Variants in THSD4 observed in about 807,000 individuals in gnomAD.
The protein encoded by THSD4 is thrombospondin type 1 domain containing 4.
A neutral mutation model predicts 119.0 loss-of-function variants in THSD4; 69 were observed. The observed-to-expected ratio is 0.58, with a 90% CI of 0.48 to 0.71. The LOEUF (loss-of-function observed/expected upper bound fraction) is 0.71. Among genes scored for constraint, THSD4 ranks in the 30% least tolerant of loss-of-function variants. The pLI is 0.00. For missense variants in THSD4, 1,393 were observed against 1,391.1 expected (o/e 1.00, Z -0.02); for synonymous variants, 524 against 540.4 (o/e 0.97, Z 0.42).
intron 7 of THSD4, among the ~76,000 whole-genome samples, chr15:71,640,988 C>G (rs1317880595): frequency 1.3e-5 from 2 of 151,036 alleles, no homozygotes; most frequent in Non-Finnish European, 2.9e-5. Context: ...CAGACACACA[C>G]ACACACACAC....
chr15:71,320,198 G>T (rs2045247976), intron 6 of THSD4, among the ~76,000 whole-genome samples: 1 of 152,140 alleles, frequency 6.6e-6, no homozygotes, highest in South Asian at 2.1e-4. Context: ...GGATCATTCT[G>T]CAGTCACTCA....
rs1487486944 is a variant in THSD4 at position 71,341,853 on chromosome 15, T to A, written c.1016-69834T>A. On this transcript the variant is annotated intron_variant, in intron 6 of 17. Transcript: ENST00000261862. ...TTATTTCCACCTACTAGGTTTTTATTATATTTCATCTAGAATAATGACCTT... is the reference window on the plus strand; with the variant it reads ...TTATTTCCACCTACTAGGTTTTTATAATATTTCATCTAGAATAATGACCTT... 9.5e-6 allele frequency: 6 copies of A among 632,108 alleles called. No homozygotes were observed. In the Admixed American group the frequency reaches 1.7e-4, roughly 18 times the overall value. The allele number at this position is 632,108 out of a possible 1,614,324, so 39.2% of individuals were successfully genotyped here.
Position 71,765,013 on chromosome 15 carries a change from T to G in THSD4, c.2590-7T>G, listed in dbSNP as rs756651262. On this transcript the variant is annotated splice_region_variant and splice_polypyrimidine_tract_variant and intron_variant, in intron 15 of 17. Coordinates refer to ENST00000261862, the MANE Select transcript of THSD4 (RefSeq NM_024817.3). The stretch of plus-strand genomic sequence containing the variant: ...TGACACTCATCTTTTTCTGCTTCTT[T>G]CTGCAGTGTTCCATCGAGTGTGGGA... 6.2e-7 allele frequency: 1 copy of G among 1,611,736 alleles called. No homozygotes were observed. The highest frequency in any genetic ancestry group is 8.5e-7 in the Non-Finnish European group (1 of 1,178,738).
intron 3 of THSD4, among the ~76,000 whole-genome samples, chr15:71,160,595 T>C (rs2043240745): frequency 6.6e-6 from 1 of 152,052 alleles, no homozygotes; most frequent in African/African-American, 2.4e-5. Flanking sequence ...TTTTTAAATT[T>C]ATTGGTGTAT....
chr15:71,429,076 G>A (rs1187558400), intron 7 of THSD4, among the ~76,000 whole-genome samples: 4 of 152,200 alleles, frequency 2.6e-5, no homozygotes, highest in Non-Finnish European at 4.4e-5. Flanking sequence ...TGCTGTAGGG[G>A]CCAAGCTTCC....
intron 8 of THSD4, among the ~76,000 whole-genome samples, chr15:71,696,614 A>G (rs1595871340): frequency 1.3e-5 from 2 of 152,356 alleles, no homozygotes; most frequent in East Asian, 3.9e-4. Flanking sequence ...CCAGATGCCC[A>G]TATCCCAATA....
At chr15:71,660,441 G>T (rs1312515446) in intron 7 of THSD4, 89 bp from the exon 8 acceptor site, 1 of 1,525,722 alleles carries the variant, frequency 6.6e-7, no homozygotes, top group South Asian at 1.2e-5. Flanking sequence ...AGCTAGAAAA[G>T]AAATTTCTTG....
intron 7 of THSD4, among the ~76,000 whole-genome samples, chr15:71,500,988 A>G (rs1411618775): frequency 6.6e-6 from 1 of 152,146 alleles, no homozygotes; most frequent in Non-Finnish European, 1.5e-5. Flanking sequence ...TGAATTTTAG[A>G]ATTGTTTTTG....
At chr15:71,601,079 G>C (rs777858739) in intron 7 of THSD4, among the ~76,000 whole-genome samples, 24 of 152,056 alleles carry the variant, frequency 1.6e-4, no homozygotes, top group Admixed American at 5.2e-4. Context: ...AGGAAACTTG[G>C]TTTTGGTGAG....
intron 6 of THSD4, among the ~76,000 whole-genome samples, chr15:71,278,528 G>A (rs2044617192): frequency 6.6e-6 from 1 of 152,116 alleles, no homozygotes; most frequent in South Asian, 2.1e-4. Flanking sequence ...ACTCAAGAAC[G>A]CTATTTAGTA....
intron 6 of THSD4, among the ~76,000 whole-genome samples, chr15:71,324,526 T>G (rs375155467): frequency 6.6e-6 from 1 of 152,178 alleles, no homozygotes; most frequent in African/African-American, 2.4e-5. Context: ...GTACACACAG[T>G]GTAGCTCCCA....
intron 6 of THSD4, among the ~76,000 whole-genome samples, chr15:71,286,795 C>T (rs776820306): frequency 3.6e-4 from 55 of 152,144 alleles, no homozygotes; most frequent in Non-Finnish European, 6.6e-4. Flanking sequence ...TCTTTTTCTC[C>T]ACAACCTCAC....
intron 8 of THSD4, among the ~76,000 whole-genome samples, chr15:71,717,049 TGTTGCTG>T (rs1206048927): frequency 6.6e-6 from 1 of 152,226 alleles, no homozygotes. Context: ...CTGGGGCACA[TGTTGCTG>T]CCTTTTGCAT....
chr15:71,682,884 CTTTCTTTCTTTCTTTCTTTCTTT>C (rs2051818695), intron 8 of THSD4, among the ~76,000 whole-genome samples: 1 of 40,174 alleles, frequency 2.5e-5, no homozygotes, highest in Non-Finnish European at 4.3e-5. Flanking sequence ...TTCTTTCTTT[CTTTCTTTCTTTCTTTCTTTCTTT>C]CTTCTTCTTC....
chr15:71,390,846 A>C (rs2046366947), intron 6 of THSD4, among the ~76,000 whole-genome samples: 1 of 147,622 alleles, frequency 6.8e-6, no homozygotes, highest in Admixed American at 6.9e-5. Flanking sequence ...TGATTGGCTA[A>C]ATCTTTTTTT....
At chr15:71,385,647 T>C (rs1054254721) in intron 6 of THSD4, among the ~76,000 whole-genome samples, 1 of 152,248 alleles carries the variant, frequency 6.6e-6, no homozygotes, top group African/African-American at 2.4e-5. Flanking sequence ...GAAACTTGGC[T>C]GCCCTGATTG....
intron 7 of THSD4, among the ~76,000 whole-genome samples, chr15:71,535,117 A>G (rs2048671224): frequency 6.6e-6 from 1 of 152,208 alleles, no homozygotes; most frequent in Admixed American, 6.5e-5. Context: ...TATACCCATT[A>G]GCAGTCACTC....
At chr15:71,156,526 A>G (rs575287888) in intron 3 of THSD4, among the ~76,000 whole-genome samples, 2 of 152,054 alleles carry the variant, frequency 1.3e-5, no homozygotes, top group Non-Finnish European at 1.5e-5. Flanking sequence ...CGGCCTCCCA[A>G]AGTGCTGGGA....
At chr15:71,628,184 G>C (rs916819098) in intron 7 of THSD4, among the ~76,000 whole-genome samples, 3 of 152,184 alleles carry the variant, frequency 2.0e-5, no homozygotes, top group African/African-American at 7.2e-5. Flanking sequence ...GATACACTCA[G>C]GGTTGAAAAG....
Sources: gnomAD v4.1 joint callset for allele counts (sites outside exome capture counted in the v4.1 genomes callset) on GRCh38, gnomAD v4.1.1 for gene constraint, MANE v1.5 for transcripts, NCBI Gene and HGNC (gene_info 2026-07-23, HGNC 2026-07-21) for gene names.